PRICKLE2: variants seen among roughly 807,000 people sequenced by gnomAD.
PRICKLE2 encodes prickle-like protein 2.
PRICKLE2 carries 21 observed loss-of-function variants against 81.4 expected under a neutral mutation model. The ratio of observed to expected loss-of-function variants is 0.26; its 90% confidence interval spans 0.18 to 0.37. The LOEUF (loss-of-function observed/expected upper bound fraction) is 0.37. PRICKLE2 is among the 10% of genes least tolerant of loss of function. The probability of loss-of-function intolerance (pLI) is 1.00; values close to 1 mark genes in which losing one functional copy is unlikely to be tolerated. For missense variants in PRICKLE2, 940 were observed against 1,109.0 expected (o/e 0.85, Z 2.16); for synonymous variants, 456 against 421.5 (o/e 1.08, Z -1.00).
At position 64,147,584 on chromosome 3, in the gene PRICKLE2, G is replaced by T. The variant is rs369079932; in HGVS notation, c.906C>A (p.Gly302=). ...LLGRPFLPKQ[G]QIFCSRACSA... The stretch of plus-strand genomic sequence containing the variant: ...TGCAGGCCCGTGAGCAGAATATCTG[G>T]CCCTGCTTCGGGAGGAATGGCCGCC... The change falls in exon 7 of 8, where the codon GGC becomes GGA. Residue 302 remains glycine, a synonymous_variant. Coordinates refer to ENST00000638394, the MANE Select transcript of PRICKLE2 (RefSeq NM_198859.4). This position sits in a 1 kb window ranked among gnomAD's most constrained non-coding sequence, Gnocchi z 5.0. 4 of 1,614,228 alleles carry T rather than the reference G, an allele frequency of 2.5e-6. No individual in the cohort carries two copies. The highest frequency in any genetic ancestry group is 1.6e-4 in the Middle Eastern group (1 of 6,062).
At chr3:64,114,021 A>C (rs1403280611) in intron 7 of PRICKLE2, among the ~76,000 whole-genome samples, 1 of 152,156 alleles carries the variant, frequency 6.6e-6, no homozygotes. Context: ...AGTGGACTCC[A>C]AATGTCGCAG....
Position 64,100,097 on chromosome 3 carries a change from C to T in PRICKLE2, c.1661-172G>A. On this transcript the variant is annotated intron_variant, in intron 7 of 7. Coordinates refer to ENST00000638394, the MANE Select transcript of PRICKLE2 (RefSeq NM_198859.4). The stretch of plus-strand genomic sequence containing the variant: ...CTGTGAGGGGGTTCTCTCCACTCCA[C>T]AGTAGGTCACTATCTACCTAGAGGG... The T allele has an allele frequency of 7.7e-6, 5 of 646,180 alleles. No homozygotes were observed. The East Asian group carries it at 1.3e-4, about 17-fold the overall frequency. The allele number at this position is 646,180 out of a possible 1,614,324, so 40.0% of individuals were successfully genotyped here. A position where few individuals can be genotyped will look rare whatever the true frequency, so the allele number is the denominator to read the frequency against.
chr3:64,095,626 G>A lies in PRICKLE2; in HGVS notation c.*3425C>T, dbSNP rs143371706. ...GCTAGTAGTACCCAAGAAGCAGAAA[G>A]CTGCTGCAGAAGGAAGAAAACATAA... On this transcript the variant is annotated 3_prime_UTR_variant, in exon 8 of 8. Transcript: ENST00000638394. 3 of 152,330 alleles carry A rather than the reference G, an allele frequency of 2.0e-5. No homozygotes were observed. The highest frequency in any genetic ancestry group is 2.9e-5 in the Non-Finnish European group (2 of 68,036). The allele number at this position is 152,330 out of a possible 1,614,324, so 9.4% of individuals were successfully genotyped here.
upstream of PRICKLE2, among the ~76,000 whole-genome samples, chr3:64,228,182 C>T (rs1003871075): frequency 1.3e-5 from 2 of 152,210 alleles, no homozygotes; most frequent in Non-Finnish European, 2.9e-5. Flanking sequence ...TTGCCAGTCA[C>T]TGTGCTAGGG....
At position 64,224,891 on chromosome 3, in the gene PRICKLE2, G is replaced by C; in HGVS notation, c.-41+19C>G. 2.0e-6 allele frequency: 2 copies of C among 984,086 alleles called. No homozygotes were observed. Among genetic ancestry groups the C allele is most frequent in the African/African-American group, 1.7e-5 (1 of 57,258 alleles). 61.0% of individuals were successfully genotyped at this position (984,086 alleles called of 1,614,324 possible). A position where few individuals can be genotyped will look rare whatever the true frequency, so the allele number is the denominator to read the frequency against. On this transcript the variant is annotated intron_variant, in intron 1 of 7. Transcript: ENST00000638394. ...ATACTGCTGTTTAATTTGTGAATTAGAGCAAATTTCTTACCCACCTCCAGG... is the reference window on the plus strand; with the variant it reads ...ATACTGCTGTTTAATTTGTGAATTACAGCAAATTTCTTACCCACCTCCAGG...
chr3:64,196,409 T>C (rs1338581283), intron 2 of PRICKLE2, among the ~76,000 whole-genome samples: 3 of 152,208 alleles, frequency 2.0e-5, no homozygotes, highest in Non-Finnish European at 4.4e-5. Context: ...CTGGTGTATC[T>C]AGGTATGAAA....
rs192391412 is a variant in PRICKLE2, at chr3:64,267,490, T to C, written c.129-68523A>G. Among the ~76,000 whole-genome samples, 95 of 152,232 alleles carry C rather than the reference T, an allele frequency of 6.2e-4. 1 individual carries two copies. The highest frequency in any genetic ancestry group is 4.6e-3 in the South Asian group (22 of 4,800). ...ATCTTCCTGGAGATGTTAAGAAATA[T>C]TTTGAATAGAAAATAACTAGGTCAT... On this transcript the variant is annotated intron_variant, in intron 2 of 8. Coordinates refer to the PRICKLE2 transcript ENST00000295902.
At chr3:64,125,046 G>C (rs937116140) in intron 7 of PRICKLE2, among the ~76,000 whole-genome samples, 1 of 152,170 alleles carries the variant, frequency 6.6e-6, no homozygotes, top group African/African-American at 2.4e-5. Context: ...TGATTCATGA[G>C]AGGAGGTTAA....
At chr3:64,197,162 G>C (rs1050535623) in intron 2 of PRICKLE2, among the ~76,000 whole-genome samples, 1 of 152,112 alleles carries the variant, frequency 6.6e-6, no homozygotes, top group African/African-American at 2.4e-5. Context: ...GTCTGTCATT[G>C]ATGGGCATTT....
intron 1 of PRICKLE2, among the ~76,000 whole-genome samples, chr3:64,203,239 G>C (rs1392261492): frequency 1.3e-5 from 2 of 152,036 alleles, no homozygotes; most frequent in African/African-American, 4.8e-5. Context: ...TCCAAACCCT[G>C]GTTGTTGCTT....
At chr3:64,146,291 T>G in intron 7 of PRICKLE2, 1 of 163,134 alleles carries the variant, frequency 6.1e-6, no homozygotes, top group Non-Finnish European at 1.4e-5. Flanking sequence ...CTCACTCCCC[T>G]TCTCCTGAGA....
chr3:64,186,683 C>T (rs2078239676), intron 2 of PRICKLE2, among the ~76,000 whole-genome samples: 1 of 152,182 alleles, frequency 6.6e-6, no homozygotes, highest in African/African-American at 2.4e-5. Context: ...TAATAAACAA[C>T]TGTTGAACGA....
chr3:64,156,639 TC>T (rs2077639789), intron 5 of PRICKLE2, among the ~76,000 whole-genome samples: 1 of 152,180 alleles, frequency 6.6e-6, no homozygotes, highest in African/African-American at 2.4e-5. Flanking sequence ...GGCAGAGACA[TC>T]CAAATGAAGT....
chr3:64,151,482 T>C (rs1249029519), intron 6 of PRICKLE2, among the ~76,000 whole-genome samples: 1 of 152,166 alleles, frequency 6.6e-6, no homozygotes, highest in Non-Finnish European at 1.5e-5. Context: ...AGAGATTTTT[T>C]CTCTCTGCCA....
chr3:64,241,074 T>G (rs2079258313), intron 2 of PRICKLE2, among the ~76,000 whole-genome samples: 1 of 152,238 alleles, frequency 6.6e-6, no homozygotes, highest in South Asian at 2.1e-4. Flanking sequence ...CCACTTAGTC[T>G]CTGTCACAAC....
intron 2 of PRICKLE2, among the ~76,000 whole-genome samples, chr3:64,176,040 G>A (rs1355528239): frequency 2.0e-5 from 3 of 152,180 alleles, no homozygotes; most frequent in Non-Finnish European, 4.4e-5. Flanking sequence ...ATGGCTACTG[G>A]AGTCTCAACC....
chr3:64,172,806 G>A (rs2077955719), intron 2 of PRICKLE2, among the ~76,000 whole-genome samples: 1 of 152,156 alleles, frequency 6.6e-6, no homozygotes, highest in South Asian at 2.1e-4. Context: ...TAAGGCTGGG[G>A]CCCTATTCAA....
At chr3:64,120,029 T>C (rs775133187) in intron 7 of PRICKLE2, among the ~76,000 whole-genome samples, 1 of 152,082 alleles carries the variant, frequency 6.6e-6, no homozygotes, top group Non-Finnish European at 1.5e-5. Flanking sequence ...GATGTAAAGA[T>C]GGCAACAAGA....
At chr3:64,175,566 T>C (rs1177983017) in intron 2 of PRICKLE2, among the ~76,000 whole-genome samples, 1 of 152,232 alleles carries the variant, frequency 6.6e-6, no homozygotes, top group Non-Finnish European at 1.5e-5. Flanking sequence ...TGAATTGTTT[T>C]AAGTTAACAA....
Sources: allele counts gnomAD v4.1 joint callset (sites outside exome capture counted in the v4.1 genomes callset), GRCh38; gene constraint gnomAD v4.1.1; non-coding constraint Gnocchi (gnomAD v3.1); transcripts MANE v1.5; gene names NCBI Gene and HGNC (gene_info 2026-07-23, HGNC 2026-07-21).